Variants in MC2R observed in about 807,000 individuals in gnomAD.
MC2R encodes the protein adrenocorticotropic hormone receptor.
In MC2R, 9 loss-of-function variants were observed where a neutral mutation model predicts 9.8. The observed-to-expected ratio is 0.92, with a 90% CI of 0.55 to 1.60. The LOEUF is 1.60. Among genes scored for constraint, MC2R ranks in the 40% most tolerant of loss-of-function variants. The pLI, the probability that MC2R is intolerant of heterozygous loss-of-function variation, is 0.00. For synonymous variants in MC2R, 185 were observed against 154.7 expected (o/e 1.20, Z -1.45); for missense variants, 370 against 389.0 (o/e 0.95, Z 0.41).
chr18:13,902,644 G>A (rs114576526), intron 1 of MC2R, among the ~76,000 whole-genome samples: 2,500 of 152,186 alleles, frequency 0.016, 65 homozygotes, highest in African/African-American at 0.056. Context: ...TTCATATGCA[G>A]AAGAACAAAA....
In MC2R at chr18:13,884,439, G is replaced by A. The variant is rs1178870623; in HGVS notation, c.*186C>T. ...TATCTGTCCAGTCACAAAGTTAAGA[G>A]GTTGCCCCTACAATAAGACTGTTCA... On this transcript the variant is annotated 3_prime_UTR_variant, in exon 2 of 2. Transcript: ENST00000327606. 8 of 668,284 alleles carry A rather than the reference G, an allele frequency of 1.2e-5. No individual in the cohort carries two copies. The East Asian group carries it at 1.9e-4, about 16-fold the overall frequency. 41.4% of individuals were successfully genotyped at this position (668,284 alleles called of 1,614,324 possible).
rs373575077 is a variant in MC2R, at chr18:13,884,609, C to G, written c.*16G>C. 8.7e-6 allele frequency: 14 copies of G among 1,610,676 alleles called. No homozygotes were observed. In the African/African-American group the frequency reaches 1.9e-4, roughly 22 times the overall value. On this transcript the variant is annotated 3_prime_UTR_variant, in exon 2 of 2. Transcript: ENST00000327606. ...AACGTTATTCCCATGGATTCTAAAA[C>G]CAGGGATCAGCCATTCTACCAGTAC...
chr18:13,893,603 G>T (rs1292766552), intron 1 of MC2R, among the ~76,000 whole-genome samples: 1 of 152,130 alleles, frequency 6.6e-6, no homozygotes, highest in African/African-American at 2.4e-5. Flanking sequence ...TGAGGTAATG[G>T]AGATCTCAGC....
intron 1 of MC2R, among the ~76,000 whole-genome samples, chr18:13,906,032 C>A (rs570503962): frequency 1.3e-5 from 2 of 152,030 alleles, no homozygotes; most frequent in Admixed American, 6.5e-5. Flanking sequence ...TGAGATTGTG[C>A]CATTGCACTC....
chr18:13,885,690 A>G, intron 1 of MC2R, 44 bp from the exon 2 acceptor site: 2 of 700,968 alleles, frequency 2.9e-6, no homozygotes, highest in Non-Finnish European at 4.8e-6. Flanking sequence ...AGTACACTAG[A>G]AAATAAAAAC....
chr18:13,914,636 G>A lies in MC2R; in HGVS notation c.-129+852C>T, dbSNP rs562164889. Among the ~76,000 whole-genome samples, 24 of 152,276 alleles carry A rather than the reference G, an allele frequency of 1.6e-4. No individual in the cohort carries two copies. The East Asian group carries it at 1.9e-3, about 12-fold the overall frequency. On this transcript the variant is annotated intron_variant, in intron 1 of 1. Transcript: ENST00000327606. The stretch of plus-strand genomic sequence containing the variant: ...TGTATGTATGTTTACAAGTGTGCAC[G>A]TGTATGTGTGTATATGTGTGTGTAT...
At chr18:13,897,041 C>T (rs1393585705) in intron 1 of MC2R, among the ~76,000 whole-genome samples, 1 of 152,176 alleles carries the variant, frequency 6.6e-6, no homozygotes, top group Non-Finnish European at 1.5e-5. Flanking sequence ...GGAAAAACAC[C>T]TTCATAAGAG....
intron 1 of MC2R, among the ~76,000 whole-genome samples, chr18:13,893,189 T>C (rs1292828719): frequency 1.3e-5 from 2 of 152,214 alleles, no homozygotes; most frequent in Non-Finnish European, 2.9e-5. Context: ...TTTGGTTGAA[T>C]TCTGAACGAC....
chr18:13,885,150 C>T lies in MC2R; in HGVS notation c.369G>A (p.Val123=). The change falls in exon 2 of 2, where the codon GTG becomes GTA. Residue 123 remains valine, a synonymous_variant. Transcript: ENST00000327606. The stretch of plus-strand genomic sequence containing the variant: ...TGGTGATGTAGCGGTCCGCAGCAAT[C>T]ACAGACAGGCTGAAGATGGAGCCAA... ...SLLGSIFSLS[V]IAADRYITIF... 2 of 1,614,160 alleles carry T rather than the reference C, an allele frequency of 1.2e-6. No homozygotes were observed. The highest frequency in any genetic ancestry group is 2.2e-5 in the South Asian group (2 of 91,084).
intron 1 of MC2R, among the ~76,000 whole-genome samples, chr18:13,886,586 C>CT (rs1348370600): frequency 6.6e-6 from 1 of 152,214 alleles, no homozygotes; most frequent in Non-Finnish European, 1.5e-5. Context: ...ACCCCACAGC[C>CT]TGTGGGATAA....
chr18:13,901,811 G>A (rs959279876), intron 1 of MC2R, among the ~76,000 whole-genome samples: 1 of 152,044 alleles, frequency 6.6e-6, no homozygotes, highest in Non-Finnish European at 1.5e-5. Context: ...ATTTAAAGAA[G>A]AACTAGTACC....
At chr18:13,888,742 C>G (rs1489310651) in intron 1 of MC2R, among the ~76,000 whole-genome samples, 1 of 152,224 alleles carries the variant, frequency 6.6e-6, no homozygotes, top group African/African-American at 2.4e-5. Flanking sequence ...GTTGTTCCTG[C>G]TTAGAGATTG....
At chr18:13,895,910 G>C (rs34606172) in intron 1 of MC2R, among the ~76,000 whole-genome samples, 15 of 152,340 alleles carry the variant, frequency 9.8e-5, no homozygotes, top group Admixed American at 5.2e-4. Context: ...GTCTTGCTCA[G>C]ATTTGGACTC....
rs146545830 is a variant in MC2R, at chr18:13,890,345, G to T, written c.-128-4699C>A. 1.9e-4 allele frequency among the ~76,000 whole-genome samples: 29 copies of T among 152,318 alleles called. No homozygotes were observed. In the East Asian group the frequency reaches 5.4e-3, roughly 28 times the overall value. ...GCCGCTTTCCTCTGCGCTGCTGGGT[G>T]TTTTCTCGGATTGCTCTTCTGGAGA... On this transcript the variant is annotated intron_variant, in intron 1 of 1. Transcript: ENST00000327606.
At chr18:13,911,224 C>T (rs1436034757) in intron 1 of MC2R, among the ~76,000 whole-genome samples, 6 of 152,116 alleles carry the variant, frequency 3.9e-5, no homozygotes, top group South Asian at 4.1e-4. Flanking sequence ...GAGCAGGGGC[C>T]GGAGTGTCAG....
At chr18:13,896,986 T>C (rs1246515915) in intron 1 of MC2R, among the ~76,000 whole-genome samples, 1 of 152,216 alleles carries the variant, frequency 6.6e-6, no homozygotes, top group Non-Finnish European at 1.5e-5. Context: ...AAGGCTCCAC[T>C]GATTGTCCCC....
chr18:13,882,122 G>A lies in MC2R; in HGVS notation c.*2503C>T, dbSNP rs1406786485. 1 of 152,182 alleles carries A rather than the reference G, an allele frequency of 6.6e-6. No homozygotes were observed. Among genetic ancestry groups the A allele is most frequent in the African/African-American group, 2.4e-5 (1 of 41,438 alleles). 9.4% of individuals were successfully genotyped at this position (152,182 alleles called of 1,614,324 possible). A position where few individuals can be genotyped will look rare whatever the true frequency, so the allele number is the denominator to read the frequency against. On this transcript the variant is annotated 3_prime_UTR_variant, in exon 2 of 2. Transcript: ENST00000327606. Reference sequence around the variant, plus strand: ...ACATCCTGAACATTTTCAGCTATCTGGTCCAAGGCTAGGTCATCGATAAAG... The same window carrying A: ...ACATCCTGAACATTTTCAGCTATCTAGTCCAAGGCTAGGTCATCGATAAAG...
chr18:13,891,583 A>G (rs1307728812), intron 1 of MC2R, among the ~76,000 whole-genome samples: 2 of 152,200 alleles, frequency 1.3e-5, no homozygotes, highest in Non-Finnish European at 2.9e-5. Context: ...TCTTCAGTGC[A>G]AAGTGCTGTC....
chr18:13,885,699 A>AC (rs1598459912), intron 1 of MC2R, 53 bp from the exon 2 acceptor site: 3 of 650,738 alleles, frequency 4.6e-6, no homozygotes. Flanking sequence ...GAAAATAAAA[A>AC]CCAGCCACAC....
Sources: allele counts gnomAD v4.1 joint callset (sites outside exome capture counted in the v4.1 genomes callset), GRCh38; gene constraint gnomAD v4.1.1; transcripts MANE v1.5; gene names NCBI Gene and HGNC (gene_info 2026-07-23, HGNC 2026-07-21).